Variants in PRKCD observed in about 807,000 individuals in gnomAD.
PRKCD encodes protein kinase C delta.
In PRKCD, 20 loss-of-function variants were observed where a neutral mutation model predicts 82.2. The ratio of observed to expected loss-of-function variants is 0.24; its 90% CI spans 0.17 to 0.35. PRKCD has a LOEUF of 0.35. Among genes scored for constraint, PRKCD ranks in the 10% least tolerant of loss-of-function variants. The probability of loss-of-function intolerance (pLI) is 1.00; values close to 1 mark genes in which losing one functional copy is unlikely to be tolerated. For synonymous variants in PRKCD, 317 were observed against 337.0 expected (o/e 0.94, Z 0.65); for missense variants, 607 against 899.0 (o/e 0.68, Z 4.15).
At chr3:53,192,026 AGCC>A in intron 18 of PRKCD, 79 bp from the exon 19 acceptor site, 1 of 1,479,506 alleles carries the variant, frequency 6.8e-7, no homozygotes, top group Non-Finnish European at 9.4e-7. Flanking sequence ...GGCCTGGCCC[AGCC>A]CTGCAGGGAC....
At chr3:53,170,386 T>C (rs574704599) in intron 2 of PRKCD, among the ~76,000 whole-genome samples, 252 of 152,352 alleles carry the variant, frequency 1.7e-3, no homozygotes, top group African/African-American at 4.4e-3. Flanking sequence ...CTCAAGGAAC[T>C]TGCTCCTGGG....
intron 2 of PRKCD, among the ~76,000 whole-genome samples, chr3:53,168,461 G>C (rs1702905143): frequency 1.3e-5 from 2 of 152,158 alleles, no homozygotes; most frequent in Admixed American, 1.3e-4. Flanking sequence ...GATGGGCCTG[G>C]GCGGGAAGTG....
Position 53,192,637 on chromosome 3 carries a change from C to CA in PRKCD, c.*386dup, listed in dbSNP as rs72190282. The CA allele has an allele frequency of 0.68, 92,615 of 135,796 alleles. 31,716 individuals carry two copies. The highest frequency in any genetic ancestry group is 0.74 in the Non-Finnish European group (47,290 of 64,014). 8.4% of individuals were successfully genotyped at this position (135,796 alleles called of 1,614,324 possible). ...CTTTTTCAAAAAAATATATATATGA[C>CA]AAAAAAAAAAAAAAAGGAGCACAAG... On this transcript the variant is annotated 3_prime_UTR_variant, in exon 19 of 19. Coordinates refer to ENST00000330452, the MANE Select transcript of PRKCD (RefSeq NM_006254.4).
intron 2 of PRKCD, among the ~76,000 whole-genome samples, chr3:53,170,848 C>A (rs78153065): frequency 0.011 from 1,638 of 152,288 alleles, 14 homozygotes; most frequent in Non-Finnish European, 0.018. Context: ...TGGCACTCCA[C>A]GTGCGTGTGG....
At chr3:53,178,776 T>G (rs1553666519) in intron 3 of PRKCD, among the ~76,000 whole-genome samples, 1 of 152,234 alleles carries the variant, frequency 6.6e-6, no homozygotes, top group Non-Finnish European at 1.5e-5. Flanking sequence ...CCTCCCTGGT[T>G]GTTTTACCCA....
At chr3:53,179,500 A>G (rs781800800) in intron 3 of PRKCD, 77 bp from the exon 4 acceptor site, 2 of 1,578,554 alleles carry the variant, frequency 1.3e-6, no homozygotes, top group Admixed American at 3.3e-5. Context: ...AGATTCTGCC[A>G]GGGGAAGGCC....
intron 8 of PRKCD, 44 bp downstream of exon 8, chr3:53,183,250 G>T (rs1703523195): frequency 6.2e-7 from 1 of 1,603,500 alleles, no homozygotes; most frequent in African/African-American, 1.3e-5. Flanking sequence ...GGGGGGCTTG[G>T]CCAGATGGGA....
chr3:53,189,981 C>T lies in PRKCD; in HGVS notation c.1852C>T (p.Pro618Ser). Reference sequence around the variant, plus strand: ...TCTGCTGGAAAAGCGGAGGTTGGAGCCACCTTTCAGGCCCAAAGTGGTATG... The same window carrying T: ...TCTGCTGGAAAAGCGGAGGTTGGAGTCACCTTTCAGGCCCAAAGTGGTATG... ...WTLLEKRRLE[P>S]PFRPKVKSPR... Residue 618 changes from proline to serine, a missense_variant, in exon 18 of 19, where the codon CCA (proline) becomes TCA (serine). Pro to Ser is a moderately conservative substitution (Grantham distance 74). Around this residue, in one of 5 missense-constraint regions of PRKCD, gnomAD observed 251 missense variants for 423.9 expected, o/e 0.59. Coordinates refer to ENST00000330452, the MANE Select transcript of PRKCD (RefSeq NM_006254.4). The T allele has an allele frequency of 6.2e-7, 1 of 1,614,146 alleles. No individual in the cohort carries two copies. The highest frequency in any genetic ancestry group is 8.5e-7 in the Non-Finnish European group (1 of 1,180,008).
chr3:53,183,097 C>G (rs544971256), intron 7 of PRKCD, 24 bp from the exon 8 acceptor site: 4 of 1,613,148 alleles, frequency 2.5e-6, no homozygotes, highest in East Asian at 2.2e-5. Flanking sequence ...TCCCTTCCCC[C>G]TCCTGGGCCT....
At chr3:53,181,925 C>CAT (rs1553667699) in intron 7 of PRKCD, 193 bp downstream of exon 7, 1 of 803,012 alleles carries the variant, frequency 1.2e-6, no homozygotes, top group South Asian at 1.5e-5. Context: ...CAGTTCTGCG[C>CAT]ATCTCTTCCC....
rs782428011 is a variant in PRKCD, at chr3:53,183,196, G to A, written c.647G>A (p.Arg216Gln). 9.9e-6 allele frequency: 16 copies of A among 1,613,976 alleles called. No homozygotes were observed. Among genetic ancestry groups the A allele is most frequent in the African/African-American group, 2.7e-5 (2 of 74,928 alleles). ...TGCACTGGCACCGCGGCCAACAGCC[G>A]GGACACTATAGTGAGCCTGGGTCCG... ...GRCTGTAANS[R>Q]DTIFQKERFN... The change falls in exon 8 of 19, where the codon CGG (arginine) becomes CAG (glutamine). Residue 216 changes from arginine (R) to glutamine (Q), a missense_variant. Physicochemically the swap from Arg to Gln is conservative, Grantham distance 43. Around this residue, in one of 5 missense-constraint regions of PRKCD, gnomAD observed 109 missense variants for 155.6 expected, o/e 0.70. Coordinates refer to ENST00000330452, the MANE Select transcript of PRKCD (RefSeq NM_006254.4).
chr3:53,188,892 C>G, intron 16 of PRKCD, 34 bp downstream of exon 16: 2 of 1,610,502 alleles, frequency 1.2e-6, no homozygotes, highest in Non-Finnish European at 1.7e-6. Context: ...CCCGCTCAGT[C>G]AGGCACCTTG....
rs185821762 is a variant in PRKCD, at chr3:53,184,203, C to T, written c.787+622C>T. ...CAAAAAAATTAGCCTGGCGTGGTGG[C>T]GGGCGCCTGTAGTCCCAGCTGCTCG... On this transcript the variant is annotated intron_variant, in intron 9 of 18. Transcript: ENST00000330452. 1.3e-3 allele frequency among the ~76,000 whole-genome samples: 191 copies of T among 151,912 alleles called. 2 individuals are homozygous for T. In the East Asian group the frequency reaches 0.028, roughly 22 times the overall value.
At chr3:53,171,885 G>C (rs531683588) in intron 2 of PRKCD, among the ~76,000 whole-genome samples, 1 of 152,286 alleles carries the variant, frequency 6.6e-6, no homozygotes, top group Admixed American at 6.5e-5. Context: ...GGGGCAGTGA[G>C]AGCCTAGGAG....
At chr3:53,178,346 C>T (rs991140926) in intron 2 of PRKCD, 58 bp from the exon 3 acceptor site, 9 of 1,195,674 alleles carry the variant, frequency 7.5e-6, no homozygotes, top group Admixed American at 3.8e-5. Context: ...GAGTGCTGCC[C>T]GTGACTGTTC....
intron 12 of PRKCD, 53 bp downstream of exon 12, chr3:53,186,080 G>A (rs1051847352): frequency 9.9e-6 from 16 of 1,609,866 alleles, no homozygotes; most frequent in South Asian, 2.2e-5. Flanking sequence ...GCTTCTTCCC[G>A]CTTAGGTGGC....
At chr3:53,189,324 G>A in intron 17 of PRKCD, 78 bp downstream of exon 17, 1 of 1,426,904 alleles carries the variant, frequency 7.0e-7, no homozygotes, top group Non-Finnish European at 9.4e-7. Flanking sequence ...TTTGGGTGAG[G>A]AGCTTCCTGT....
At chr3:53,171,399 C>T (rs1553664898) in intron 2 of PRKCD, among the ~76,000 whole-genome samples, 2 of 152,230 alleles carry the variant, frequency 1.3e-5, no homozygotes, top group African/African-American at 4.8e-5. Flanking sequence ...CCTTCCAGAC[C>T]CTCTGGCAGG....
intron 3 of PRKCD, 161 bp from the exon 4 acceptor site, chr3:53,179,416 G>A (rs1553666653): frequency 1.1e-6 from 1 of 870,364 alleles, no homozygotes; most frequent in Admixed American, 1.7e-5. Context: ...GACCTAGCAG[G>A]GTGCCCAAGG....
Sources: gnomAD v4.1 joint callset for allele counts (sites outside exome capture counted in the v4.1 genomes callset) on GRCh38, gnomAD v4.1.1 for gene constraint, gnomAD v4.1.1 regional missense constraint, MANE v1.5 for transcripts, NCBI Gene and HGNC (gene_info 2026-07-23, HGNC 2026-07-21) for gene names.